The following SKIDA1 variants were observed in gnomAD, a reference collection of about 807,000 sequenced individuals.
SKIDA1 encodes SKI/DACH domain containing 1.
SKIDA1 carries 18 observed loss-of-function variants against 51.4 expected under a neutral mutation model. That is an observed-to-expected ratio of 0.35 (90% CI 0.24 to 0.52). SKIDA1 has a LOEUF of 0.52. SKIDA1 is among the 20% of genes least tolerant of loss of function. The pLI is 0.95. For synonymous variants in SKIDA1, 579 were observed against 500.5 expected, an observed-to-expected ratio of 1.16 and a Z score of -2.09; for missense variants, 1,104 against 1,180.6, an observed-to-expected ratio of 0.94 and a Z score of 0.95.
At chr10:21,524,622 A>G (rs2032593896) in intron 1 of SKIDA1, 1 of 140,908 alleles carries the variant, frequency 7.1e-6, no homozygotes, top group African/African-American at 2.6e-5. Flanking sequence ...GCTTGCAGCA[A>G]CGTGCTCTGC....
In SKIDA1 at chr10:21,515,903, A is replaced by G. The variant is rs780221882; in HGVS notation, c.1920T>C (p.His640=). 63 of 1,613,902 alleles carry G rather than the reference A, an allele frequency of 3.9e-5. No homozygotes were observed. Among genetic ancestry groups the G allele is most frequent in the Non-Finnish European group, 4.9e-5 (58 of 1,179,908 alleles). ...GCAAATCCGTAGCAAATTCAGGACA[A>G]TGAAGGATTTTGGAATATTTTTCTG... ...ANSEKYSKIL[H]CPEFATDLPS... Residue 640 remains histidine (H), a synonymous_variant, in exon 4 of 4, where the codon CAT becomes CAC. Coordinates refer to ENST00000449193, the MANE Select transcript of SKIDA1 (RefSeq NM_207371.4).
rs571182427 is a variant in SKIDA1, at chr10:21,515,624, T to A, written c.2199A>T (p.Thr733=). Residue 733 remains threonine, a synonymous_variant, in exon 4 of 4, where the codon ACA becomes ACT. Transcript: ENST00000449193. ...ESKEEDALLT[T]AKEGFACPEK... Reference sequence around the variant, plus strand: ...CAGGGCATGCAAAACCTTCCTTGGCTGTGGTTAACAAGGCGTCCTCCTCTT... The same window carrying A: ...CAGGGCATGCAAAACCTTCCTTGGCAGTGGTTAACAAGGCGTCCTCCTCTT... 6.2e-7 allele frequency: 1 copy of A among 1,613,936 alleles called. No homozygotes were observed. The highest frequency in any genetic ancestry group is 8.5e-7 in the Non-Finnish European group (1 of 1,179,902).
Position 21,515,442 on chromosome 10 carries a change from G to A in SKIDA1, c.2381C>T (p.Thr794Ile). 1 of 1,614,040 alleles carries A rather than the reference G, an allele frequency of 6.2e-7. No homozygotes were observed. The highest frequency in any genetic ancestry group is 1.1e-5 in the South Asian group (1 of 91,088). The stretch of plus-strand genomic sequence containing the variant: ...TTTCAAATTTGGTTTGACTGGAGGT[G>A]TCTGAAGGACAGGTCGCTTTCCCAG... ...LVLGKRPVLQ[T>I]PPVKPNLKSA... is the part of the protein sequence containing the mutation. Residue 794 changes from threonine to isoleucine, a missense_variant, in exon 4 of 4, where the codon ACA becomes ATA. Physicochemically the swap from Thr to Ile is moderately conservative, Grantham distance 89. Around this residue, in one of 3 missense-constraint regions of SKIDA1, gnomAD observed 112 missense variants for 168.3 expected, o/e 0.67. Transcript: ENST00000449193.
rs1446391799 is a variant in SKIDA1 at position 21,518,128 on chromosome 10, C to T, written c.-306G>A. The T allele has an allele frequency of 3.1e-5, 10 of 318,620 alleles. No homozygotes were observed. Among genetic ancestry groups the T allele is most frequent in the Middle Eastern group, 9.8e-4 (1 of 1,022 alleles). 19.7% of individuals were successfully genotyped at this position (318,620 alleles called of 1,614,324 possible). A position where few individuals can be genotyped will look rare whatever the true frequency, so the allele number is the denominator to read the frequency against. On this transcript the variant is annotated 5_prime_UTR_variant, in exon 4 of 4. Coordinates refer to ENST00000449193, the MANE Select transcript of SKIDA1 (RefSeq NM_207371.4). ...GATCTGCCAGTGTGTTGGTCTGAGT[C>T]CCCGATGCAGATCAGTACCTGGGCC...
chr10:21,525,285 A>G (rs2032666787), intron 1 of SKIDA1, among the ~76,000 whole-genome samples: 1 of 152,220 alleles, frequency 6.6e-6, no homozygotes. Context: ...TGCTAATAGA[A>G]GAAATGGCAG....
chr10:21,517,535 T>A lies in SKIDA1; in HGVS notation c.288A>T (p.Lys96Asn). The A allele has an allele frequency of 6.3e-7, 1 of 1,591,312 alleles. No individual in the cohort carries two copies. Among genetic ancestry groups the A allele is most frequent in the African/African-American group, 1.3e-5 (1 of 74,706 alleles). Residue 96 changes from lysine to asparagine, a missense_variant, in exon 4 of 4, where the codon AAA (lysine) becomes AAT (asparagine). Around this residue, in one of 3 missense-constraint regions of SKIDA1, gnomAD observed 54 missense variants for 126.0 expected, o/e 0.43. Coordinates refer to ENST00000449193, the MANE Select transcript of SKIDA1 (RefSeq NM_207371.4). This position sits in a 1 kb window ranked among gnomAD's most constrained non-coding sequence, Gnocchi z 6.9. ...EDVEALYTSC[K>N]TERVLKTKRR... Reference sequence around the variant, plus strand: ...GCTTGGTCTTGAGGACGCGCTCGGTTTTGCAGGAGGTGTAGAGCGCTTCCA... The same window carrying A: ...GCTTGGTCTTGAGGACGCGCTCGGTATTGCAGGAGGTGTAGAGCGCTTCCA...
chr10:21,524,373 A>AC (rs1241411001), intron 1 of SKIDA1, among the ~76,000 whole-genome samples: 2 of 151,746 alleles, frequency 1.3e-5, no homozygotes, highest in African/African-American at 4.8e-5. Context: ...ACTTAAAAAA[A>AC]TTTTTTTTTC....
rs953336467 is a variant in SKIDA1, at chr10:21,517,457, G to T, written c.366C>A (p.Ala122=). Residue 122 remains alanine, a synonymous_variant, in exon 4 of 4, where the codon GCC becomes GCA. Coordinates refer to ENST00000449193, the MANE Select transcript of SKIDA1 (RefSeq NM_207371.4). The surrounding 1 kb of genome is among the most constrained non-coding windows in gnomAD (Gnocchi z 6.9). ...LATKAPPPER[A]AAASPRPGFW... ...ATCCCGGGCGGGGGCTGGCGGCAGCGGCGCGCTCTGGCGGCGGCGCCTTTG... is the reference window on the plus strand; with the variant it reads ...ATCCCGGGCGGGGGCTGGCGGCAGCTGCGCGCTCTGGCGGCGGCGCCTTTG... The T allele has an allele frequency of 1.3e-6, 2 of 1,515,652 alleles. No individual in the cohort carries two copies. Among genetic ancestry groups the T allele is most frequent in the Admixed American group, 2.4e-5 (1 of 42,466 alleles). The allele number at this position is 1,515,652 out of a possible 1,614,324, so 93.9% of individuals were successfully genotyped here. A position where few individuals can be genotyped will look rare whatever the true frequency, so the allele number is the denominator to read the frequency against.
In SKIDA1 at chr10:21,517,035, C is replaced by A. The variant is rs868679098; in HGVS notation, c.788G>T (p.Gly263Val). The change falls in exon 4 of 4, where the codon GGC (glycine) becomes GTC (valine). Residue 263 changes from glycine to valine, a missense_variant. Around this residue, in one of 3 missense-constraint regions of SKIDA1, gnomAD observed 938 missense variants for 886.4 expected, o/e 1.06. Coordinates refer to ENST00000449193, the MANE Select transcript of SKIDA1 (RefSeq NM_207371.4). This position sits in a 1 kb window ranked among gnomAD's most constrained non-coding sequence, Gnocchi z 6.9. The stretch of plus-strand genomic sequence containing the variant: ...GCAGCGGTAGCTCAGGCTCCCCGGG[C>A]CTCCGGCGCCCGCCGCTGCCTTGGG... ...PQPKAAAGAG[G>V]PGSLSYRCKR... is the part of the protein sequence containing the mutation. 56 of 1,032,042 alleles carry A rather than the reference C, an allele frequency of 5.4e-5. No homozygotes were observed. The highest frequency in any genetic ancestry group is 6.1e-5 in the Non-Finnish European group (53 of 864,134). The allele number at this position is 1,032,042 out of a possible 1,614,324, so 63.9% of individuals were successfully genotyped here. A position where few individuals can be genotyped will look rare whatever the true frequency, so the allele number is the denominator to read the frequency against.
At position 21,517,688 on chromosome 10, in the gene SKIDA1, C is replaced by T. The variant is rs749379281; in HGVS notation, c.135G>A (p.Val45=). Residue 45 remains valine (V), a synonymous_variant, in exon 4 of 4, where the codon GTG becomes GTA. Coordinates refer to ENST00000449193, the MANE Select transcript of SKIDA1 (RefSeq NM_207371.4). The surrounding 1 kb of genome is among the most constrained non-coding windows in gnomAD (Gnocchi z 6.9). The part of the protein sequence containing the change: ...DLLKNIPRTT[V]HKRMDHLKVK... ...CTTTCAGATGATCCATGCGCTTGTG[C>T]ACGGTCGTCCTCGGGATGTTTTTCA... The T allele has an allele frequency of 2.1e-5, 34 of 1,613,848 alleles. No homozygotes were observed. The highest frequency in any genetic ancestry group is 3.3e-5 in the Admixed American group (2 of 60,012).
Position 21,516,467 on chromosome 10 carries a change from G to A in SKIDA1, c.1356C>T (p.Ser452=). Residue 452 remains serine (S), a synonymous_variant, in exon 4 of 4, where the codon TCC becomes TCT. Transcript: ENST00000449193. The surrounding 1 kb of genome is among the most constrained non-coding windows in gnomAD (Gnocchi z 5.7). ...EEEDSSTESD[S]SSGSSQVSVQ... is the part of the protein sequence containing the mutation. Reference sequence around the variant, plus strand: ...CTGACACTTGGCTGGAGCCGGAGCTGGAGTCCGACTCGGTGGACGAGTCCT... The same window carrying A: ...CTGACACTTGGCTGGAGCCGGAGCTAGAGTCCGACTCGGTGGACGAGTCCT... 1.9e-6 allele frequency: 3 copies of A among 1,611,594 alleles called. No individual in the cohort carries two copies. Among genetic ancestry groups the A allele is most frequent in the Non-Finnish European group, 8.5e-7 (1 of 1,179,454 alleles).
Position 21,518,397 on chromosome 10 carries a change from A to G in SKIDA1, c.-575T>C, listed in dbSNP as rs2032303373. ...CCCCTTCCCCCCAAAATCTCCCACT[A>G]ATTAGCATACCCTTATACTGCCACC... On this transcript the variant is annotated 5_prime_UTR_variant, in exon 4 of 4. Transcript: ENST00000449193. 6.0e-6 allele frequency: 1 copy of G among 167,158 alleles called. No homozygotes were observed. 10.4% of individuals were successfully genotyped at this position (167,158 alleles called of 1,614,324 possible). A position where few individuals can be genotyped will look rare whatever the true frequency, so the allele number is the denominator to read the frequency against.
rs750651418 is a variant in SKIDA1, at chr10:21,517,640, C to T, written c.183G>A (p.Leu61=). 3 of 1,614,002 alleles carry T rather than the reference C, an allele frequency of 1.9e-6. No homozygotes were observed. The South Asian group carries it at 3.3e-5, about 18-fold the overall frequency. ...HLKVKKHHCD[L]EELRKLKAIN... Reference sequence around the variant, plus strand: ...TTGCCTTGAGTTTCCGCAACTCCTCCAGATCGCAGTGGTGCTTCTTCACTT... The same window carrying T: ...TTGCCTTGAGTTTCCGCAACTCCTCTAGATCGCAGTGGTGCTTCTTCACTT... Residue 61 remains leucine, a synonymous_variant, in exon 4 of 4, where the codon CTG becomes CTA. Coordinates refer to ENST00000449193, the MANE Select transcript of SKIDA1 (RefSeq NM_207371.4). This position sits in a 1 kb window ranked among gnomAD's most constrained non-coding sequence, Gnocchi z 6.9.
Position 21,519,625 on chromosome 10 carries a change from G to A in SKIDA1, c.-1803C>T, listed in dbSNP as rs2032338055. 6.0e-6 allele frequency: 1 copy of A among 166,916 alleles called. No individual in the cohort carries two copies. Among genetic ancestry groups the A allele is most frequent in the Non-Finnish European group, 1.5e-5 (1 of 68,096 alleles). 10.3% of individuals were successfully genotyped at this position (166,916 alleles called of 1,614,324 possible). A position where few individuals can be genotyped will look rare whatever the true frequency, so the allele number is the denominator to read the frequency against. The stretch of plus-strand genomic sequence containing the variant: ...TGTTCCTCCAAAAATAGACACATCC[G>A]CGTGATTAAAAGAATAAACGGATAT... On this transcript the variant is annotated 5_prime_UTR_variant, in exon 4 of 4. Transcript: ENST00000449193.
chr10:21,517,375 G>C lies in SKIDA1; in HGVS notation c.448C>G (p.Pro150Ala). Residue 150 changes from proline to alanine, a missense_variant, in exon 4 of 4, where the codon CCA becomes GCA. Coordinates refer to ENST00000449193, the MANE Select transcript of SKIDA1 (RefSeq NM_207371.4). This position sits in a 1 kb window ranked among gnomAD's most constrained non-coding sequence, Gnocchi z 6.9. Reference protein sequence around the residue: ...RGLSGAARPLPISAQSQRPGA... With the variant: ...RGLSGAARPLAISAQSQRPGA... ...GGGCGCTGGGACTGCGCGCTGATTGGCAGGGGCCGCGCGGCTCCGCTCAGG... is the reference window on the plus strand; with the variant it reads ...GGGCGCTGGGACTGCGCGCTGATTGCCAGGGGCCGCGCGGCTCCGCTCAGG... 1 of 1,408,476 alleles carries C rather than the reference G, an allele frequency of 7.1e-7. No homozygotes were observed. Among genetic ancestry groups the C allele is most frequent in the Non-Finnish European group, 9.2e-7 (1 of 1,087,810 alleles). The allele number at this position is 1,408,476 out of a possible 1,614,324, so 87.2% of individuals were successfully genotyped here.
intron 3 of SKIDA1, among the ~76,000 whole-genome samples, chr10:21,521,085 CACAA>C (rs1056610222): frequency 3.3e-5 from 5 of 151,786 alleles, no homozygotes; most frequent in Admixed American, 2.0e-4. Flanking sequence ...CACACACACA[CACAA>C]ACACAGAATG....
In SKIDA1 at chr10:21,515,050, C is replaced by T. The variant is rs1317334886; in HGVS notation, c.*46G>A. The T allele has an allele frequency of 6.6e-7, 1 of 1,506,416 alleles. No homozygotes were observed. Among genetic ancestry groups the T allele is most frequent in the Admixed American group, 2.2e-5 (1 of 46,030 alleles). The allele number at this position is 1,506,416 out of a possible 1,614,324, so 93.3% of individuals were successfully genotyped here. ...ACAAACCATCCTGTGCAGTTTACAACAAAAGGAAGGTAATATGGTTCAAGA... is the reference window on the plus strand; with the variant it reads ...ACAAACCATCCTGTGCAGTTTACAATAAAAGGAAGGTAATATGGTTCAAGA... On this transcript the variant is annotated 3_prime_UTR_variant, in exon 4 of 4. Coordinates refer to ENST00000449193, the MANE Select transcript of SKIDA1 (RefSeq NM_207371.4).
chr10:21,514,871 G>T lies in SKIDA1; in HGVS notation c.*225C>A. On this transcript the variant is annotated 3_prime_UTR_variant, in exon 4 of 4. Coordinates refer to ENST00000449193, the MANE Select transcript of SKIDA1 (RefSeq NM_207371.4). ...TTGAGTCTTTAGCCTGAAGTAGTCT[G>T]TGGAATGTAAACCAACCCTTCTCCC... 1 of 509,288 alleles carries T rather than the reference G, an allele frequency of 2.0e-6. No individual in the cohort carries two copies. The highest frequency in any genetic ancestry group is 3.3e-6 in the Non-Finnish European group (1 of 307,408). The allele number at this position is 509,288 out of a possible 1,614,324, so 31.5% of individuals were successfully genotyped here. A position where few individuals can be genotyped will look rare whatever the true frequency, so the allele number is the denominator to read the frequency against.
rs1441324591 is a variant in SKIDA1 at position 21,517,227 on chromosome 10, G to C, written c.596C>G (p.Pro199Arg). The C allele has an allele frequency of 6.8e-7, 1 of 1,461,184 alleles. No individual in the cohort carries two copies. The highest frequency in any genetic ancestry group is 9.1e-7 in the Non-Finnish European group (1 of 1,101,504). The allele number at this position is 1,461,184 out of a possible 1,614,324, so 90.5% of individuals were successfully genotyped here. Reference sequence around the variant, plus strand: ...GAAGGCGACGTAGTTTCCCTGGAGCGGGGCAGTTTCATAGTTTAGAGGGGG... The same window carrying C: ...GAAGGCGACGTAGTTTCCCTGGAGCCGGGCAGTTTCATAGTTTAGAGGGGG... ...CKPPLNYETA[P>R]LQGNYVAFPS... The change falls in exon 4 of 4, where the codon CCG becomes CGG. Residue 199 changes from proline to arginine, a missense_variant. Pro to Arg is a moderately radical substitution (Grantham distance 103, BLOSUM62 -2). This residue lies in a region of SKIDA1 where 938 missense variants were observed against 886.4 expected (regional missense o/e 1.06). Transcript: ENST00000449193. This position sits in a 1 kb window ranked among gnomAD's most constrained non-coding sequence, Gnocchi z 6.9.
Sources: allele counts gnomAD v4.1 joint callset (sites outside exome capture counted in the v4.1 genomes callset), GRCh38; gene constraint gnomAD v4.1.1; regional missense constraint gnomAD v4.1.1; non-coding constraint Gnocchi (gnomAD v3.1); transcripts MANE v1.5; gene names NCBI Gene and HGNC (gene_info 2026-07-23, HGNC 2026-07-21).